Variants in OPCML observed in about 807,000 individuals in gnomAD.
The protein encoded by OPCML is opioid-binding protein/cell adhesion molecule.
In OPCML, 13 loss-of-function variants were observed where a neutral mutation model predicts 37.8. That is an observed-to-expected ratio of 0.34 (90% CI 0.22 to 0.55). The LOEUF is 0.55. Ranked by LOEUF, OPCML falls within the 20% of genes least tolerant of loss-of-function variation. The probability of loss-of-function intolerance (pLI) is 0.91; values close to 1 mark genes in which losing one functional copy is unlikely to be tolerated. For synonymous variants in OPCML, 176 were observed against 168.8 expected (o/e 1.04, Z -0.33); for missense variants, 341 against 435.6 (o/e 0.78, Z 1.93).
chr11:132,809,924 A>C (rs898430233), intron 2 of OPCML, among the ~76,000 whole-genome samples: 2 of 152,120 alleles, frequency 1.3e-5, no homozygotes, highest in South Asian at 2.1e-4. Context: ...ATCTCGGCTC[A>C]CTGCAGGCTC....
intron 1 of OPCML, among the ~76,000 whole-genome samples, chr11:132,952,292 T>C (rs1047441914): frequency 6.6e-6 from 1 of 152,122 alleles, no homozygotes; most frequent in African/African-American, 2.4e-5. Context: ...AAGAATTGAC[T>C]GGGGCTTCCG....
At chr11:133,183,162 G>A (rs1937915456) in intron 1 of OPCML, among the ~76,000 whole-genome samples, 1 of 152,132 alleles carries the variant, frequency 6.6e-6, no homozygotes, top group South Asian at 2.1e-4. Context: ...CAATCTCATG[G>A]GATTTCTAGG....
chr11:133,440,816 A>G (rs1434393037), intron 1 of OPCML, among the ~76,000 whole-genome samples: 8 of 71,340 alleles, frequency 1.1e-4, no homozygotes, highest in Middle Eastern at 4.9e-3. Flanking sequence ...GTGTATGTGT[A>G]TATATATATA....
At chr11:132,582,556 T>C (rs555023514) in intron 3 of OPCML, among the ~76,000 whole-genome samples, 7 of 152,256 alleles carry the variant, frequency 4.6e-5, no homozygotes, top group African/African-American at 1.2e-4. Context: ...GTAAGGCTAA[T>C]TGGACTCCTG....
intron 1 of OPCML, among the ~76,000 whole-genome samples, chr11:133,434,721 G>A (rs1946195209): frequency 6.7e-6 from 1 of 148,900 alleles, no homozygotes; most frequent in African/African-American, 2.5e-5. Context: ...TTCTACTGTT[G>A]GTAATATAAA....
At chr11:132,629,478 G>A (rs982210875) in intron 3 of OPCML, among the ~76,000 whole-genome samples, 2 of 152,206 alleles carry the variant, frequency 1.3e-5, no homozygotes, top group East Asian at 1.9e-4. Context: ...CTTCAGTGAG[G>A]TTTTATCTGG....
chr11:133,427,847 C>T (rs919086374), intron 1 of OPCML, among the ~76,000 whole-genome samples: 4 of 152,166 alleles, frequency 2.6e-5, no homozygotes, highest in African/African-American at 2.4e-5. Flanking sequence ...TTCTTAGGAG[C>T]GTATACTCTC....
At chr11:133,000,096 G>A (rs1946970319) in intron 1 of OPCML, among the ~76,000 whole-genome samples, 1 of 152,140 alleles carries the variant, frequency 6.6e-6, no homozygotes, top group Admixed American at 6.5e-5. Flanking sequence ...TCACTCTGTT[G>A]GCCAGGCTGG....
intron 1 of OPCML, among the ~76,000 whole-genome samples, chr11:133,116,748 ATTCATTTTTT>A (rs1949339731): frequency 6.6e-6 from 1 of 150,982 alleles, no homozygotes; most frequent in Non-Finnish European, 1.5e-5. Flanking sequence ...CCAAGTTACT[ATTCATTTTTT>A]CTTTGTAACT....
In OPCML at chr11:132,686,303, T is replaced by C. The variant is rs142185626; in HGVS notation, c.147-28984A>G. Among the ~76,000 whole-genome samples the C allele has an allele frequency of 6.4e-3, 979 of 152,170 alleles. 9 individuals are homozygous for C. The highest frequency in any genetic ancestry group is 0.031 in the Middle Eastern group (9 of 294). ...AACCACAGTGCCTTGCCTCGGAAAATGGAGTTTTAACAATAATCTTCTAGG... is the reference window on the plus strand; with the variant it reads ...AACCACAGTGCCTTGCCTCGGAAAACGGAGTTTTAACAATAATCTTCTAGG... On this transcript the variant is annotated intron_variant, in intron 2 of 7. Coordinates refer to ENST00000524381, the MANE Select transcript of OPCML (RefSeq NM_001012393.5).
At chr11:132,478,409 G>A (rs1001196548) in intron 4 of OPCML, among the ~76,000 whole-genome samples, 9 of 152,184 alleles carry the variant, frequency 5.9e-5, no homozygotes, top group African/African-American at 2.2e-4. Flanking sequence ...TGGTGAGGAA[G>A]AGGAAGATGA....
chr11:132,747,815 G>A (rs1229083683), intron 2 of OPCML, among the ~76,000 whole-genome samples: 1 of 152,176 alleles, frequency 6.6e-6, no homozygotes, highest in African/African-American at 2.4e-5. Flanking sequence ...GCAATATGCT[G>A]TTTTGGCGAC....
chr11:133,304,761 A>G (rs935583718), intron 1 of OPCML, among the ~76,000 whole-genome samples: 4 of 152,156 alleles, frequency 2.6e-5, no homozygotes, highest in African/African-American at 9.7e-5. Flanking sequence ...GTAAACAACT[A>G]ATGCCCAGTA....
chr11:133,283,587 A>G (rs1942220179), intron 1 of OPCML, among the ~76,000 whole-genome samples: 1 of 152,182 alleles, frequency 6.6e-6, no homozygotes, highest in Non-Finnish European at 1.5e-5. Flanking sequence ...TTACACTGAC[A>G]CAAAAATGGA....
intron 4 of OPCML, among the ~76,000 whole-genome samples, chr11:132,475,334 G>T (rs1055341475): frequency 2.0e-5 from 3 of 152,170 alleles, no homozygotes; most frequent in Non-Finnish European, 2.9e-5. Context: ...GCTATACATG[G>T]AACTCTGAAG....
chr11:133,185,936 T>C (rs1291012218), intron 1 of OPCML, among the ~76,000 whole-genome samples: 1 of 152,234 alleles, frequency 6.6e-6, no homozygotes. Flanking sequence ...AAGATACATG[T>C]GAGTACAATT....
intron 3 of OPCML, among the ~76,000 whole-genome samples, chr11:132,568,047 C>G (rs939792509): frequency 6.7e-6 from 1 of 148,414 alleles, no homozygotes; most frequent in Non-Finnish European, 1.5e-5. Flanking sequence ...TGTGTGCGCG[C>G]GCGCGCGTGT....
chr11:132,487,196 A>T lies in OPCML; in HGVS notation c.505+41865T>A, dbSNP rs191886532. 5.3e-5 allele frequency among the ~76,000 whole-genome samples: 8 copies of T among 152,348 alleles called. No individual in the cohort carries two copies. The East Asian group carries it at 9.7e-4, about 18-fold the overall frequency. On this transcript the variant is annotated intron_variant, in intron 4 of 7. Coordinates refer to ENST00000524381, the MANE Select transcript of OPCML (RefSeq NM_001012393.5). ...AAAGAAAAACAGGTTGACTCGGGTC[A>T]CTGAGAGACGGTTACTCAGCCCATC...
At chr11:133,168,649 C>T (rs1240583386) in intron 1 of OPCML, among the ~76,000 whole-genome samples, 1 of 152,192 alleles carries the variant, frequency 6.6e-6, no homozygotes, top group African/African-American at 2.4e-5. Flanking sequence ...CTAAGAACCA[C>T]ATCTTTCCAA....
Sources: allele counts gnomAD v4.1 joint callset (sites outside exome capture counted in the v4.1 genomes callset), GRCh38; gene constraint gnomAD v4.1.1; transcripts MANE v1.5; gene names NCBI Gene and HGNC (gene_info 2026-07-23, HGNC 2026-07-21).